The following CNTN4 variants were observed in gnomAD, a reference collection of about 807,000 sequenced individuals.
CNTN4 encodes contactin-4.
A neutral mutation model predicts 122.5 loss-of-function variants in CNTN4; 77 were observed. The observed-to-expected ratio is 0.63, with a 90% CI of 0.52 to 0.76. The LOEUF is 0.76. CNTN4 is among the 30% of genes least tolerant of loss of function. CNTN4 has a pLI of 0.00. For missense variants in CNTN4, 1,256 were observed against 1,259.1 expected, an observed-to-expected ratio of 1.00 and a Z score of 0.04; for synonymous variants, 512 against 447.0, an observed-to-expected ratio of 1.15 and a Z score of -1.83.
chr3:2,977,109 CCTT>C (rs1693493077), intron 13 of CNTN4, among the ~76,000 whole-genome samples: 1 of 152,166 alleles, frequency 6.6e-6, no homozygotes, highest in South Asian at 2.1e-4. Flanking sequence ...CCTCTCTACT[CCTT>C]CTACATTGTG....
chr3:2,572,541 G>A (rs995116319), intron 4 of CNTN4, among the ~76,000 whole-genome samples: 1 of 152,194 alleles, frequency 6.6e-6, no homozygotes, highest in Non-Finnish European at 1.5e-5. Context: ...TTGCAGCTTG[G>A]GCTGCTGTGT....
chr3:2,296,996 T>G lies in CNTN4; in HGVS notation c.-144-42182T>G, dbSNP rs2042338564. Among the ~76,000 whole-genome samples, 4 of 152,156 alleles carry G rather than the reference T, an allele frequency of 2.6e-5. No homozygotes were observed. In the South Asian group the frequency reaches 8.3e-4, roughly 32 times the overall value. On this transcript the variant is annotated intron_variant, in intron 2 of 24. Transcript: ENST00000418658. ...GTCTGGATAGAGGAATGGAAACAAT[T>G]TCAAAAAGTCTTTCTTCAGGCCTTT...
chr3:2,298,994 C>G (rs6790032), intron 2 of CNTN4, among the ~76,000 whole-genome samples: 9,414 of 121,308 alleles, frequency 0.078, 329 homozygotes, highest in Middle Eastern at 0.086. Context: ...AAAGTCACTT[C>G]TATTTTTGTC....
intron 3 of CNTN4, among the ~76,000 whole-genome samples, chr3:2,481,742 T>A (rs529394873): frequency 6.6e-6 from 1 of 152,238 alleles, no homozygotes; most frequent in South Asian, 2.1e-4. Flanking sequence ...GGGGTGGTTC[T>A]CCTATGCTGT....
At chr3:2,102,933 T>A (rs1169007750) in intron 2 of CNTN4, among the ~76,000 whole-genome samples, 1 of 151,716 alleles carries the variant, frequency 6.6e-6, no homozygotes, top group Non-Finnish European at 1.5e-5. Flanking sequence ...TTTTTTTTTT[T>A]CTGGTAGAAA....
At chr3:2,945,463 G>T (rs79930520) in intron 13 of CNTN4, among the ~76,000 whole-genome samples, 4,410 of 152,148 alleles carry the variant, frequency 0.029, 221 homozygotes, top group African/African-American at 0.1. Flanking sequence ...TAGCCTTGGG[G>T]ACTCTCCATT....
chr3:2,645,234 T>C (rs1169590559), intron 4 of CNTN4, among the ~76,000 whole-genome samples: 1 of 152,140 alleles, frequency 6.6e-6, no homozygotes, highest in Non-Finnish European at 1.5e-5. Flanking sequence ...AGCCAGTTAG[T>C]GACATTATTT....
At chr3:2,150,214 A>T (rs1292058700) in intron 2 of CNTN4, among the ~76,000 whole-genome samples, 1 of 152,058 alleles carries the variant, frequency 6.6e-6, no homozygotes, top group East Asian at 1.9e-4. Context: ...CTGTTTCATC[A>T]TTTCTAATAT....
At chr3:2,298,679 G>A (rs559689475) in intron 2 of CNTN4, among the ~76,000 whole-genome samples, 1 of 152,062 alleles carries the variant, frequency 6.6e-6, no homozygotes, top group Non-Finnish European at 1.5e-5. Flanking sequence ...AACCAAAAAA[G>A]TATTGTGTAT....
chr3:2,681,823 A>AT (rs142836500), intron 4 of CNTN4, among the ~76,000 whole-genome samples: 2,147 of 152,190 alleles, frequency 0.014, 43 homozygotes, highest in African/African-American at 0.049. Context: ...GTTGCCATAA[A>AT]TTTGCTTCAT....
intron 3 of CNTN4, among the ~76,000 whole-genome samples, chr3:2,454,789 T>G (rs2048936776): frequency 6.6e-6 from 1 of 152,000 alleles, no homozygotes; most frequent in African/African-American, 2.4e-5. Context: ...AGTAAGTATT[T>G]CATGATTGAA....
chr3:2,510,180 T>G (rs1285589487), intron 3 of CNTN4, among the ~76,000 whole-genome samples: 1 of 152,146 alleles, frequency 6.6e-6, no homozygotes, highest in Non-Finnish European at 1.5e-5. Flanking sequence ...AAGCATGACT[T>G]TATTTCACTC....
intron 4 of CNTN4, among the ~76,000 whole-genome samples, chr3:2,634,993 G>A (rs2082601071): frequency 6.6e-6 from 1 of 152,146 alleles, no homozygotes; most frequent in Non-Finnish European, 1.5e-5. Context: ...CTCAGTTATT[G>A]AAGGGATTCG....
At chr3:2,299,974 C>T (rs6775053) in intron 2 of CNTN4, among the ~76,000 whole-genome samples, 15,145 of 152,066 alleles carry the variant, frequency 0.1, 746 homozygotes, top group Middle Eastern at 0.12. Context: ...TTTTATTTAG[C>T]GTTCCACTAA....
At chr3:2,736,101 C>T (rs2089067688) in intron 4 of CNTN4, 114 bp from the exon 5 acceptor site, 1 of 1,055,918 alleles carries the variant, frequency 9.5e-7, no homozygotes, top group Non-Finnish European at 1.5e-6. Context: ...GCCTGTTGTG[C>T]CTTACTATTT....
Position 2,719,080 on chromosome 3 carries a change from A to G in CNTN4, c.56-17135A>G, listed in dbSNP as rs569315211. Among the ~76,000 whole-genome samples, 9 of 152,326 alleles carry G rather than the reference A, an allele frequency of 5.9e-5. No individual in the cohort carries two copies. The South Asian group carries it at 1.7e-3, about 28-fold the overall frequency. On this transcript the variant is annotated intron_variant, in intron 4 of 24. Coordinates refer to ENST00000418658, the MANE Select transcript of CNTN4 (RefSeq NM_175607.3). ...TTAGGTTATTTTTAAAAATTCAGTT[A>G]CTAACCATCAGCTTGTCAGTGAAGA...
At chr3:2,219,153 T>C (rs1284309411) in intron 2 of CNTN4, among the ~76,000 whole-genome samples, 1 of 152,236 alleles carries the variant, frequency 6.6e-6, no homozygotes, top group Non-Finnish European at 1.5e-5. Flanking sequence ...GATCCTTTTA[T>C]GTCTAGCTTG....
At chr3:2,384,764 G>A (rs941218461) in intron 3 of CNTN4, among the ~76,000 whole-genome samples, 1 of 114,334 alleles carries the variant, frequency 8.7e-6, no homozygotes, top group Non-Finnish European at 2.0e-5. Context: ...ATGTGTGCGT[G>A]TGTGTGTGTG....
intron 2 of CNTN4, among the ~76,000 whole-genome samples, chr3:2,281,303 T>A (rs1416105210): frequency 6.6e-6 from 1 of 152,082 alleles, no homozygotes; most frequent in East Asian, 1.9e-4. Context: ...TGATGACAAT[T>A]CTTTCCATAT....
Sources: allele counts gnomAD v4.1 joint callset (sites outside exome capture counted in the v4.1 genomes callset), GRCh38; gene constraint gnomAD v4.1.1; transcripts MANE v1.5; gene names NCBI Gene and HGNC (gene_info 2026-07-23, HGNC 2026-07-21).